The following PRPF8 variants were observed in gnomAD, a reference collection of about 807,000 sequenced individuals.
PRPF8 encodes the protein pre-mRNA-processing-splicing factor 8.
Under a neutral mutation model 285.9 loss-of-function variants are expected in PRPF8, and 64 were observed. The ratio of observed to expected loss-of-function variants is 0.22; its 90% CI spans 0.18 to 0.28. The LOEUF is 0.28. Among genes scored for constraint, PRPF8 ranks in the 10% least tolerant of loss-of-function variants. The pLI, the probability that PRPF8 is intolerant of heterozygous loss-of-function variation, is 1.00. For missense variants in PRPF8, 1,426 were observed against 3,026.7 expected (o/e 0.47, Z 12.41); for synonymous variants, 1,325 against 1,118.2 (o/e 1.18, Z -3.69).
At chr17:1,666,574 A>G (rs1046642594) in intron 24 of PRPF8, among the ~76,000 whole-genome samples, 1 of 152,106 alleles carries the variant, frequency 6.6e-6, no homozygotes, top group Non-Finnish European at 1.5e-5. Context: ...ATGCAACAAA[A>G]AAGAGAAAAA....
intron 21 of PRPF8, 24 bp downstream of exon 21, chr17:1,674,418 C>T (rs763500173): frequency 9.9e-6 from 16 of 1,608,606 alleles, no homozygotes; most frequent in Non-Finnish European, 1.4e-5. Context: ...CCCTGCAAGG[C>T]TAGGAATCCA....
At chr17:1,667,299 A>G (rs1912045923) in intron 24 of PRPF8, among the ~76,000 whole-genome samples, 1 of 152,204 alleles carries the variant, frequency 6.6e-6, no homozygotes, top group South Asian at 2.1e-4. Context: ...GTAATGGAAC[A>G]CAGTATTTCT....
chr17:1,677,992 T>C (rs186661874), intron 13 of PRPF8, among the ~76,000 whole-genome samples: 1 of 152,062 alleles, frequency 6.6e-6, no homozygotes, highest in Non-Finnish European at 1.5e-5. Flanking sequence ...CCTGTCTAAA[T>C]GTATACATGA....
In PRPF8 at chr17:1,658,036, A is replaced by G. The variant is rs892738190; in HGVS notation, c.5505+217T>C. ...AAAATGATTTTTGATAGCCCTGTTC[A>G]AGGTTAGAAATTCAGGAAACAGACC... is the stretch of plus-strand genomic sequence containing the variant. On this transcript the variant is annotated intron_variant, in intron 34 of 42. Transcript: ENST00000304992. The surrounding 1 kb of genome is among the most constrained non-coding windows in gnomAD (Gnocchi z 4.1). Among the ~76,000 whole-genome samples the G allele has an allele frequency of 3.3e-5, 5 of 151,844 alleles. No individual in the cohort carries two copies. Among genetic ancestry groups the G allele is most frequent in the African/African-American group, 1.2e-4 (5 of 41,296 alleles).
At chr17:1,672,329 G>C (rs1202011493) in intron 24 of PRPF8, among the ~76,000 whole-genome samples, 1 of 152,174 alleles carries the variant, frequency 6.6e-6, no homozygotes, top group Admixed American at 6.6e-5. Context: ...GCCCAGGCTA[G>C]AGTGCAATGG....
chr17:1,657,584 T>C (rs1223344614), intron 34 of PRPF8, among the ~76,000 whole-genome samples: 1 of 142,482 alleles, frequency 7.0e-6, no homozygotes, highest in Non-Finnish European at 1.5e-5. Context: ...AGGCGGAGCT[T>C]GCAGTGAGCT....
chr17:1,669,291 G>C (rs2151122551), intron 24 of PRPF8, among the ~76,000 whole-genome samples: 1 of 152,318 alleles, frequency 6.6e-6, no homozygotes, highest in East Asian at 1.9e-4. Context: ...ATTTTTAGTA[G>C]AGACGGGGTT....
chr17:1,658,340 G>C lies in PRPF8; in HGVS notation c.5418C>G (p.Ala1806=). Residue 1806 remains alanine, a synonymous_variant, in exon 34 of 43, where the codon GCC becomes GCG. Coordinates refer to ENST00000304992, the MANE Select transcript of PRPF8 (RefSeq NM_006445.4). The surrounding 1 kb of genome is among the most constrained non-coding windows in gnomAD (Gnocchi z 4.1). ...CTGTGCGTGGGTTGAAGATGAAGAT[G>C]GCTCCGTTGATGGGCTTGGTTGTCA... ...GNLTTKPING[A]IFIFNPRTGQ... 2 of 1,614,202 alleles carry C rather than the reference G, an allele frequency of 1.2e-6. No homozygotes were observed. The highest frequency in any genetic ancestry group is 1.7e-6 in the Non-Finnish European group (2 of 1,180,036).
In PRPF8 at chr17:1,676,937, C is replaced by A; in HGVS notation, c.2181+39G>T. 4 of 1,607,754 alleles carry A rather than the reference C, an allele frequency of 2.5e-6. No homozygotes were observed. The highest frequency in any genetic ancestry group is 3.4e-6 in the Non-Finnish European group (4 of 1,176,888). On this transcript the variant is annotated intron_variant, in intron 15 of 42. Transcript: ENST00000304992. This position sits in a 1 kb window ranked among gnomAD's most constrained non-coding sequence, Gnocchi z 6.3. ...CGAAGTGGTAATCCTACCCTAAAGACGGATGTTTACGCCTCCAAGGAAATA... is the reference window on the plus strand; with the variant it reads ...CGAAGTGGTAATCCTACCCTAAAGAAGGATGTTTACGCCTCCAAGGAAATA...
rs1911689183 is a variant in PRPF8 at position 1,661,812 on chromosome 17, A to G, written c.4023-22T>C. On this transcript the variant is annotated intron_variant, in intron 25 of 42. Coordinates refer to ENST00000304992, the MANE Select transcript of PRPF8 (RefSeq NM_006445.4). This position sits in a 1 kb window ranked among gnomAD's most constrained non-coding sequence, Gnocchi z 7.3. ...CCACCTGTTTGGGTGTACAACCAAGATTACAGAAAAAATAAAGCCTAAAAC... is the reference window on the plus strand; with the variant it reads ...CCACCTGTTTGGGTGTACAACCAAGGTTACAGAAAAAATAAAGCCTAAAAC... 1.2e-6 allele frequency: 2 copies of G among 1,614,070 alleles called. No homozygotes were observed. Among genetic ancestry groups the G allele is most frequent in the Admixed American group, 1.7e-5 (1 of 59,998 alleles).
chr17:1,663,538 G>A (rs1370400011), intron 24 of PRPF8, among the ~76,000 whole-genome samples: 1 of 139,718 alleles, frequency 7.2e-6, no homozygotes, highest in Non-Finnish European at 1.6e-5. Flanking sequence ...GAGACCCCCC[G>A]TCTCTACTAA....
At position 1,653,571 on chromosome 17, in the gene PRPF8, A is replaced by C. The variant is rs768946079; in HGVS notation, c.6340T>G (p.Phe2114Val). The C allele has an allele frequency of 6.2e-7, 1 of 1,614,210 alleles. No homozygotes were observed. The highest frequency in any genetic ancestry group is 1.1e-5 in the South Asian group (1 of 91,082). ...YILPKNVLKK[F>V]ICISDLRAQI... ...GCCCGAAGGTCAGATATGCAGATGAACTTCTTAAGCACATTCTTGGGAAGG... is the reference window on the plus strand; with the variant it reads ...GCCCGAAGGTCAGATATGCAGATGACCTTCTTAAGCACATTCTTGGGAAGG... The change falls in exon 39 of 43, where the codon TTC becomes GTC. Residue 2114 changes from phenylalanine to valine, a missense_variant. This residue lies in a region of PRPF8 where 160 missense variants were observed against 373.7 expected (regional missense o/e 0.43). Transcript: ENST00000304992. This position sits in a 1 kb window ranked among gnomAD's most constrained non-coding sequence, Gnocchi z 4.9.
chr17:1,670,617 G>T (rs111837924), intron 24 of PRPF8, among the ~76,000 whole-genome samples: 1 of 152,106 alleles, frequency 6.6e-6, no homozygotes, highest in Non-Finnish European at 1.5e-5. Flanking sequence ...CTCCTGTGTA[G>T]CTGGGATTAC....
At chr17:1,667,362 G>A (rs1488056759) in intron 24 of PRPF8, among the ~76,000 whole-genome samples, 3 of 152,150 alleles carry the variant, frequency 2.0e-5, no homozygotes, top group African/African-American at 7.2e-5. Context: ...AAATTCCTGA[G>A]GAGCCCAGTG....
chr17:1,651,425 G>A lies in PRPF8; in HGVS notation c.6639C>T (p.Ile2213=), dbSNP rs756618466. 3 of 1,614,172 alleles carry A rather than the reference G, an allele frequency of 1.9e-6. No individual in the cohort carries two copies. Among genetic ancestry groups the A allele is most frequent in the Non-Finnish European group, 2.5e-6 (3 of 1,180,026 alleles). ...GAGCCCAGGCCCACCTGCATGTGAT[G>A]ATAATGGTCTTCTCGCCATCCCAAG... ...NPSWDGEKTI[I]ITCSFTPGSC... Residue 2213 remains isoleucine (I), a synonymous_variant, in exon 41 of 43, where the codon ATC becomes ATT. Transcript: ENST00000304992. This position sits in a 1 kb window ranked among gnomAD's most constrained non-coding sequence, Gnocchi z 5.1.
At chr17:1,683,235 T>A in intron 3 of PRPF8, 1 of 414,848 alleles carries the variant, frequency 2.4e-6, no homozygotes, top group East Asian at 5.4e-5. Flanking sequence ...GACCTCATGA[T>A]CCACCCGCCT....
intron 24 of PRPF8, among the ~76,000 whole-genome samples, chr17:1,672,691 G>C (rs113331058): frequency 1.4e-4 from 21 of 152,312 alleles, no homozygotes; most frequent in Admixed American, 3.9e-4. Context: ...GAAGGTAAGT[G>C]AAGGAGAAAC....
rs758889910 is a variant in PRPF8 at position 1,650,730 on chromosome 17, G to C, written c.*72C>G. 3.5e-5 allele frequency: 55 copies of C among 1,578,550 alleles called. No homozygotes were observed. In the South Asian group the frequency reaches 6.0e-4, roughly 17 times the overall value. On this transcript the variant is annotated 3_prime_UTR_variant, in exon 43 of 43. Transcript: ENST00000304992. ...ACAGAGGGAAAGAGGCCAAACTGCT[G>C]AATGTCAGCGGCCTGTCTGGAGGGG...
At chr17:1,664,088 T>C (rs980156122) in intron 24 of PRPF8, among the ~76,000 whole-genome samples, 2 of 152,116 alleles carry the variant, frequency 1.3e-5, no homozygotes, top group Non-Finnish European at 2.9e-5. Context: ...TAGAGTGCAA[T>C]GGCACCATCT....
Sources: gnomAD v4.1 joint callset for allele counts (sites outside exome capture counted in the v4.1 genomes callset) on GRCh38, gnomAD v4.1.1 for gene constraint, gnomAD v4.1.1 regional missense constraint, Gnocchi (gnomAD v3.1) non-coding constraint, MANE v1.5 for transcripts, NCBI Gene and HGNC (gene_info 2026-07-23, HGNC 2026-07-21) for gene names.